FGF14: variants seen among roughly 807,000 people sequenced by gnomAD.
FGF14 encodes fibroblast growth factor homologous factor 4.
A neutral mutation model predicts 25.5 loss-of-function variants in FGF14; 5 were observed. That is an observed-to-expected ratio of 0.20 (90% CI 0.10 to 0.41). The LOEUF is 0.41. Among genes scored for constraint, FGF14 ranks in the 10% least tolerant of loss-of-function variants. The pLI, the probability that FGF14 is intolerant of heterozygous loss-of-function variation, is 1.00. For synonymous variants in FGF14, 138 were observed against 118.3 expected, an observed-to-expected ratio of 1.17 and a Z score of -1.08; for missense variants, 222 against 320.1, an observed-to-expected ratio of 0.69 and a Z score of 2.34.
intron 1 of FGF14, among the ~76,000 whole-genome samples, chr13:102,301,420 C>CA (rs2055046214): frequency 1.3e-5 from 2 of 152,066 alleles, no homozygotes; most frequent in Non-Finnish European, 2.9e-5. Flanking sequence ...ACTTTGCAGA[C>CA]AATAAAACCT....
intron 1 of FGF14, among the ~76,000 whole-genome samples, chr13:101,891,678 CTA>C (rs1001440988): frequency 1.3e-5 from 2 of 151,840 alleles, no homozygotes; most frequent in Admixed American, 6.6e-5. Context: ...ATATGTATTT[CTA>C]TATATATACA....
chr13:102,263,613 C>T (rs999296691), intron 1 of FGF14, among the ~76,000 whole-genome samples: 16 of 152,062 alleles, frequency 1.1e-4, no homozygotes, highest in African/African-American at 2.4e-4. Context: ...TTAGGCTCTA[C>T]GTATTTTCAT....
intron 4 of FGF14, among the ~76,000 whole-genome samples, chr13:101,724,784 G>C (rs576698570): frequency 6.6e-6 from 1 of 150,806 alleles, no homozygotes; most frequent in Non-Finnish European, 1.5e-5. Context: ...AATCTCTGTC[G>C]TTATAGTACC....
At chr13:102,286,774 A>G (rs2054119615) in intron 1 of FGF14, among the ~76,000 whole-genome samples, 1 of 152,240 alleles carries the variant, frequency 6.6e-6, no homozygotes, top group South Asian at 2.1e-4. Context: ...TTTAAAATAA[A>G]TAACATTTAA....
At position 102,367,003 on chromosome 13, in the gene FGF14, T is replaced by A. The variant is rs16960111; in HGVS notation, c.208+34468A>T. On this transcript the variant is annotated intron_variant, in intron 1 of 4. Coordinates refer to the FGF14 transcript ENST00000376131. The stretch of plus-strand genomic sequence containing the variant: ...GTTAAAAGCAGGAATTGTCCCAGAG[T>A]TGAGGGAAAAACACAGAGAAAGGAA... 9.3e-3 allele frequency among the ~76,000 whole-genome samples: 1,414 copies of A among 152,216 alleles called. 21 individuals carry two copies. The highest frequency in any genetic ancestry group is 0.032 in the African/African-American group (1,346 of 41,528).
chr13:102,228,107 A>T (rs947570364), intron 1 of FGF14, among the ~76,000 whole-genome samples: 4 of 152,320 alleles, frequency 2.6e-5, no homozygotes, highest in Admixed American at 1.3e-4. Flanking sequence ...AAACGGAAAC[A>T]TGCTCTTTTG....
chr13:101,906,492 G>T (rs565850404), intron 1 of FGF14, among the ~76,000 whole-genome samples: 86 of 152,268 alleles, frequency 5.6e-4, no homozygotes, highest in Middle Eastern at 3.4e-3. Flanking sequence ...ATTAAGCAAT[G>T]AGAATCGCAC....
At chr13:101,738,651 A>G (rs1333928443) in intron 3 of FGF14, among the ~76,000 whole-genome samples, 1 of 152,144 alleles carries the variant, frequency 6.6e-6, no homozygotes, top group African/African-American at 2.4e-5. Flanking sequence ...TGGGTTAAAT[A>G]ACTCTAACTA....
At position 102,019,733 on chromosome 13, in the gene FGF14, G is replaced by A. The variant is rs1374793656; in HGVS notation, c.209-144437C>T. On this transcript the variant is annotated intron_variant, in intron 1 of 4. Coordinates refer to the FGF14 transcript ENST00000376131. Reference sequence around the variant, plus strand: ...TCTGTAATTAAATTCTCTTCATGTTGTACTTGTACTGAAGATATGTTCCAT... The same window carrying A: ...TCTGTAATTAAATTCTCTTCATGTTATACTTGTACTGAAGATATGTTCCAT... Among the ~76,000 whole-genome samples the A allele has an allele frequency of 2.6e-5, 4 of 152,112 alleles. No individual in the cohort carries two copies. The East Asian group carries it at 7.7e-4, about 29-fold the overall frequency.
At chr13:102,049,805 G>C (rs921836760) in intron 1 of FGF14, among the ~76,000 whole-genome samples, 4 of 152,054 alleles carry the variant, frequency 2.6e-5, no homozygotes, top group Non-Finnish European at 4.4e-5. Context: ...GAAGAGACTG[G>C]AGAGAGCTGT....
intron 3 of FGF14, among the ~76,000 whole-genome samples, chr13:101,862,145 T>A (rs1390162354): frequency 6.6e-6 from 1 of 152,078 alleles, no homozygotes; most frequent in Non-Finnish European, 1.5e-5. Context: ...AAAGTTAGAA[T>A]CAGGAGTCAG....
At chr13:101,852,432 T>C (rs1175635557) in intron 3 of FGF14, among the ~76,000 whole-genome samples, 1 of 152,112 alleles carries the variant, frequency 6.6e-6, no homozygotes, top group Non-Finnish European at 1.5e-5. Flanking sequence ...TTTTATCCTT[T>C]TCTTGAAGGA....
intron 1 of FGF14, among the ~76,000 whole-genome samples, chr13:102,358,203 T>C (rs1326243204): frequency 6.6e-6 from 1 of 152,214 alleles, no homozygotes; most frequent in African/African-American, 2.4e-5. Flanking sequence ...AGTTGAAATA[T>C]GAATCATTAA....
intron 1 of FGF14, among the ~76,000 whole-genome samples, chr13:102,220,294 A>G (rs890085418): frequency 6.6e-6 from 1 of 152,196 alleles, no homozygotes; most frequent in African/African-American, 2.4e-5. Context: ...AAGAATGGAA[A>G]TGAAAATGTC....
At chr13:101,946,211 G>C (rs2139354777) in intron 1 of FGF14, among the ~76,000 whole-genome samples, 1 of 151,892 alleles carries the variant, frequency 6.6e-6, no homozygotes, top group East Asian at 1.9e-4. Context: ...TTCACCCTCA[G>C]GACTCCCATG....
chr13:102,378,485 C>A (rs2058092053), intron 1 of FGF14, among the ~76,000 whole-genome samples: 1 of 151,874 alleles, frequency 6.6e-6, no homozygotes, highest in Non-Finnish European at 1.5e-5. Flanking sequence ...AGATCATTTA[C>A]CAGAGAACGA....
rs566860402 is a variant in FGF14 at position 102,142,169 on chromosome 13, C to T, written c.208+259302G>A. Among the ~76,000 whole-genome samples the T allele has an allele frequency of 7.9e-5, 12 of 152,260 alleles. 1 individual carries two copies. In the South Asian group the frequency reaches 2.5e-3, roughly 32 times the overall value. On this transcript the variant is annotated intron_variant, in intron 1 of 4. Transcript: ENST00000376131. The stretch of plus-strand genomic sequence containing the variant: ...GCAAAAGTATTCATATTTGTCTACA[C>T]CACACTTACAATCTTTGGAGTGATT...
intron 1 of FGF14, among the ~76,000 whole-genome samples, chr13:101,992,359 G>A (rs1333708540): frequency 6.6e-6 from 1 of 152,022 alleles, no homozygotes; most frequent in Non-Finnish European, 1.5e-5. Flanking sequence ...TCATATTAAA[G>A]GGCCATTGAC....
At chr13:101,990,484 C>T (rs1455603211) in intron 1 of FGF14, among the ~76,000 whole-genome samples, 6 of 151,988 alleles carry the variant, frequency 3.9e-5, no homozygotes, top group Admixed American at 3.9e-4. Flanking sequence ...TAATTAAATG[C>T]CAAGTTATAT....
Sources: allele counts gnomAD v4.1 joint callset (sites outside exome capture counted in the v4.1 genomes callset), GRCh38; gene constraint gnomAD v4.1.1; transcripts MANE v1.5; gene names NCBI Gene and HGNC (gene_info 2026-07-23, HGNC 2026-07-21).